TCHH: variants seen among roughly 807,000 people sequenced by gnomAD.
The protein encoded by TCHH is trichohyalin.
TCHH carries 6 observed loss-of-function variants against 6.3 expected under a neutral mutation model. That is an observed-to-expected ratio of 0.95 (90% CI 0.52 to 1.88). The LOEUF (loss-of-function observed/expected upper bound fraction) is 1.88. Ranked by LOEUF, TCHH falls within the 40% of genes most tolerant of loss-of-function variation. The pLI is 0.01. For missense variants in TCHH, 2,920 were observed against 2,449.1 expected, an observed-to-expected ratio of 1.19 and a Z score of -4.06; for synonymous variants, 1,087 against 963.6, an observed-to-expected ratio of 1.13 and a Z score of -2.37.
chr1:152,110,959 CG>C lies in TCHH; in HGVS notation c.2257del (p.Arg753GlyfsTer46). 1 of 1,613,302 alleles carries C rather than the reference CG, an allele frequency of 6.2e-7. No homozygotes were observed. Among genetic ancestry groups the C allele is most frequent in the Non-Finnish European group, 8.5e-7 (1 of 1,179,964 alleles). On this transcript the variant is annotated frameshift_variant, in exon 3 of 3. Coordinates refer to ENST00000614923, the MANE Select transcript of TCHH (RefSeq NM_007113.4). LOFTEE classifies it low-confidence loss of function (END_TRUNC). ...CTCTTCCTGCTGCTGCCGGTGAGCC[CG>C]TTCCTCCTCCTGCCATTGCAGCTCA... Reference protein sequence around the residue: ...ESELQWQEEERAHRQQQEEEQ... With the variant: ...ESELQWQEEEXAHRQQQEEEQ...
rs768126020 is a variant in TCHH at position 152,108,867 on chromosome 1, C to G, written c.4350G>C (p.Glu1450Asp). 5 of 1,611,738 alleles carry G rather than the reference C, an allele frequency of 3.1e-6. No individual in the cohort carries two copies. The highest frequency in any genetic ancestry group is 4.2e-6 in the Non-Finnish European group (5 of 1,179,516). The change falls in exon 3 of 3, where the codon GAG becomes GAC. Residue 1450 changes from glutamate to aspartate, a missense_variant. Coordinates refer to ENST00000614923, the MANE Select transcript of TCHH (RefSeq NM_007113.4). ...RRQERERKFL[E>D]EEQQLRQERH... ...GCTCCTGGCGCAGCTGCTGTTCCTCCTCCAGGAATTTTCTCTCTCGTTCCT... is the reference window on the plus strand; with the variant it reads ...GCTCCTGGCGCAGCTGCTGTTCCTCGTCCAGGAATTTTCTCTCTCGTTCCT...
rs754279065 is a variant in TCHH at position 152,108,708 on chromosome 1, G to C, written c.4509C>G (p.Phe1503Leu). The C allele has an allele frequency of 2.5e-6, 4 of 1,610,292 alleles. No homozygotes were observed. The highest frequency in any genetic ancestry group is 3.4e-6 in the Non-Finnish European group (4 of 1,179,208). Residue 1503 changes from phenylalanine (F) to leucine (L), a missense_variant, in exon 3 of 3, where the codon TTC (phenylalanine) becomes TTG (leucine). Coordinates refer to ENST00000614923, the MANE Select transcript of TCHH (RefSeq NM_007113.4). ...QLRRQERDRK[F>L]REQELRSQEP... ...CCTGACTGCGCAGTTCCTGTTCGCG[G>C]AATTTTCTGTCACGCTCTTGGCGGC... is the stretch of plus-strand genomic sequence containing the variant.
Position 152,111,055 on chromosome 1 carries a change from G to A in TCHH, c.2162C>T (p.Ser721Leu), listed in dbSNP as rs759403956. ...EADARQSKVY[S>L]RPRKQEGQRR... ...CTGCCCTTCCTGCTTGCGGGGCCTCGAGTAGACTTTGCTTTGCCGTGCGTC... is the reference window on the plus strand; with the variant it reads ...CTGCCCTTCCTGCTTGCGGGGCCTCAAGTAGACTTTGCTTTGCCGTGCGTC... The change falls in exon 3 of 3, where the codon TCG (serine) becomes TTG (leucine). Residue 721 changes from serine to leucine, a missense_variant. Coordinates refer to ENST00000614923, the MANE Select transcript of TCHH (RefSeq NM_007113.4). 1.9e-6 allele frequency: 3 copies of A among 1,613,406 alleles called. No homozygotes were observed. Among genetic ancestry groups the A allele is most frequent in the South Asian group, 1.1e-5 (1 of 91,080 alleles).
Position 152,107,469 on chromosome 1 carries a change from G to C in TCHH, c.5748C>G (p.Gly1916=). The part of the protein sequence containing the change: ...GKGHGRLLEP[G]THQFASVPVR... ...CTGGGACACTGGCAAACTGATGAGT[G>C]CCGGGCTCCAGAAGCCGCCCATGGC... The change falls in exon 3 of 3, where the codon GGC becomes GGG. Residue 1916 remains glycine, a synonymous_variant. Transcript: ENST00000614923. 4 of 1,614,144 alleles carry C rather than the reference G, an allele frequency of 2.5e-6. No individual in the cohort carries two copies. The South Asian group carries it at 4.4e-5, about 18-fold the overall frequency.
Position 152,112,802 on chromosome 1 carries a change from G to C in TCHH, c.415C>G (p.Gln139Glu). The C allele has an allele frequency of 6.2e-7, 1 of 1,613,866 alleles. No homozygotes were observed. Among genetic ancestry groups the C allele is most frequent in the Non-Finnish European group, 8.5e-7 (1 of 1,179,998 alleles). The change falls in exon 3 of 3, where the codon CAG becomes GAG. Residue 139 changes from glutamine (Q) to glutamate (E), a missense_variant. Gln to Glu is a conservative substitution (Grantham distance 29). Coordinates refer to ENST00000614923, the MANE Select transcript of TCHH (RefSeq NM_007113.4). ...TCCCTCTCCTGTTCCTGCCTCTTCT[G>C]CCTGCGTCGTTGCCCAGGTTCTTCT... ...LEEEPGQRRR[Q>E]KRQEQERELA... is the part of the protein sequence containing the mutation.
In TCHH at chr1:152,112,507, A is replaced by G; in HGVS notation, c.710T>C (p.Val237Ala). 1 of 1,611,572 alleles carries G rather than the reference A, an allele frequency of 6.2e-7. No individual in the cohort carries two copies. ...CTCTTTCTCTTCTTCCTCCTGGAAC[A>G]CTCTGTCTTGCCGCTCTCGCCTTTG... ...QQQRRERQDR[V>A]FQEEEEKEWR... Residue 237 changes from valine to alanine, a missense_variant, in exon 3 of 3, where the codon GTG (valine) becomes GCG (alanine). Val to Ala is a moderately conservative substitution (Grantham distance 64, BLOSUM62 0). Coordinates refer to ENST00000614923, the MANE Select transcript of TCHH (RefSeq NM_007113.4).
In TCHH at chr1:152,114,094, CTTCAAG is replaced by C. The variant is rs777856423; in HGVS notation, c.-20_-15del. The C allele has an allele frequency of 1.9e-6, 3 of 1,594,136 alleles. No homozygotes were observed. The highest frequency in any genetic ancestry group is 1.4e-5 in the African/African-American group (1 of 73,540). ...AAGTGGAGACATTTTTTTTTCTTTCCTTCAAGTTCAAGTAAACCTAGAACAATAAAA... is the reference window on the plus strand; with the variant it reads ...AAGTGGAGACATTTTTTTTTCTTTCCTTCAAGTAAACCTAGAACAATAAAA... On this transcript the variant is annotated 5_prime_UTR_variant, in exon 2 of 3. Transcript: ENST00000614923.
In TCHH at chr1:152,112,928, C is replaced by T. The variant is rs1318954873; in HGVS notation, c.289G>A (p.Glu97Lys). ...YALGQATGLD[E>K]EKRARCDGKE... ...CCGTCACACCGGGCTCGCTTCTCCT[C>T]ATCCAGTCCCGTGGCCTGGCCGAGA... Residue 97 changes from glutamate (E) to lysine (K), a missense_variant, in exon 3 of 3, where the codon GAG becomes AAG. Coordinates refer to ENST00000614923, the MANE Select transcript of TCHH (RefSeq NM_007113.4). 2 of 1,613,986 alleles carry T rather than the reference C, an allele frequency of 1.2e-6. No individual in the cohort carries two copies. Among genetic ancestry groups the T allele is most frequent in the Non-Finnish European group, 1.7e-6 (2 of 1,180,012 alleles).
Position 152,110,744 on chromosome 1 carries a change from G to T in TCHH, c.2473C>A (p.Arg825Ser). 6.2e-7 allele frequency: 1 copy of T among 1,609,036 alleles called. No individual in the cohort carries two copies. Among genetic ancestry groups the T allele is most frequent in the African/African-American group, 1.3e-5 (1 of 74,988 alleles). ...AACTGCAGCTCTTTCTCCCTCTCGCGTCGCTGGCGGCGCCGCTGCTCCTTC... is the reference window on the plus strand; with the variant it reads ...AACTGCAGCTCTTTCTCCCTCTCGCTTCGCTGGCGGCGCCGCTGCTCCTTC... ...EEKEQRRRQR[R>S]EREKELQFLE... is the part of the protein sequence containing the mutation. Residue 825 changes from arginine (R) to serine (S), a missense_variant, in exon 3 of 3, where the codon CGC becomes AGC. By Grantham distance (110) the Arg-to-Ser change is moderately radical (BLOSUM62 -1). Transcript: ENST00000614923.
intron 1 of TCHH, 55 bp downstream of exon 1, chr1:152,115,336 G>A (rs1200592344): frequency 6.6e-6 from 1 of 152,202 alleles, no homozygotes; most frequent in Non-Finnish European, 1.5e-5. Context: ...ATCTGAAATA[G>A]CTATAAAAAT....
In TCHH at chr1:152,108,825, G is replaced by A. The variant is rs71625154; in HGVS notation, c.4392C>T (p.Arg1464=). Residue 1464 remains arginine, a synonymous_variant, in exon 3 of 3, where the codon CGC becomes CGT. Transcript: ENST00000614923. ...QLRQERHRKF[R]EEEQLLQERE... ...TTTCCTGGAGCAGCTGTTCCTCTTC[G>A]CGGAATTTTCTGTGACGCTCCTGGC... 27 of 1,608,448 alleles carry A rather than the reference G, an allele frequency of 1.7e-5. No homozygotes were observed. The highest frequency in any genetic ancestry group is 2.2e-5 in the South Asian group (2 of 90,790).
chr1:152,109,009 T>A lies in TCHH; in HGVS notation c.4208A>T (p.Glu1403Val), dbSNP rs755703639. ...GTCCTGACGCAGCTGTTGCTCGCGC[T>A]CCTGGCAGCGCAGCTGCTGTTCCTC... ...LKEEQQLRCQ[E>V]REQQLRQDRD... The change falls in exon 3 of 3, where the codon GAG becomes GTG. Residue 1403 changes from glutamate to valine, a missense_variant. Transcript: ENST00000614923. The A allele has an allele frequency of 5.6e-6, 9 of 1,611,924 alleles. No individual in the cohort carries two copies. The Admixed American group carries it at 1.5e-4, about 27-fold the overall frequency.
At position 152,111,033 on chromosome 1, in the gene TCHH, C is replaced by A; in HGVS notation, c.2184G>T (p.Gly728=). ...KVYSRPRKQE[G]QRRRQEQEEK... ...CCTCCTGCTCTTGGCGGCGCCTCTG[C>A]CCTTCCTGCTTGCGGGGCCTCGAGT... is the stretch of plus-strand genomic sequence containing the variant. The change falls in exon 3 of 3, where the codon GGG becomes GGT. Residue 728 remains glycine (G), a synonymous_variant. Transcript: ENST00000614923. 6.2e-7 allele frequency: 1 copy of A among 1,613,584 alleles called. No homozygotes were observed. The highest frequency in any genetic ancestry group is 1.1e-5 in the South Asian group (1 of 91,074).
chr1:152,112,258 T>C lies in TCHH; in HGVS notation c.959A>G (p.Glu320Gly), dbSNP rs1386774511. The C allele has an allele frequency of 1.3e-6, 2 of 1,531,660 alleles. No individual in the cohort carries two copies. The highest frequency in any genetic ancestry group is 1.7e-5 in the African/African-American group (1 of 60,276). The allele number at this position is 1,531,660 out of a possible 1,614,324, so 94.9% of individuals were successfully genotyped here. A position where few individuals can be genotyped will look rare whatever the true frequency, so the allele number is the denominator to read the frequency against. Residue 320 changes from glutamate to glycine, a missense_variant, in exon 3 of 3, where the codon GAG becomes GGG. By Grantham distance (98) the Glu-to-Gly change is moderately conservative. Coordinates refer to ENST00000614923, the MANE Select transcript of TCHH (RefSeq NM_007113.4). ...GCGCCTCTCCTGCTGCTCGCGCCTC[T>C]CCTCCTGCTGCTCGCGCCTCTCCTC... is the stretch of plus-strand genomic sequence containing the variant. ...QEEERREQQE[E>G]RREQQERREQ... is the part of the protein sequence containing the mutation.
chr1:152,107,827 A>C lies in TCHH; in HGVS notation c.5390T>G (p.Phe1797Cys). 1 of 1,612,190 alleles carries C rather than the reference A, an allele frequency of 6.2e-7. No individual in the cohort carries two copies. Among genetic ancestry groups the C allele is most frequent in the Non-Finnish European group, 8.5e-7 (1 of 1,179,576 alleles). ...QLRSQESDRK[F>C]REEEQLRQER... ...CTGGCGTAGCTGTTCCTCCTCGCGG[A>C]ATTTTCTGTCAGACTCTTGGCTGCG... Residue 1797 changes from phenylalanine to cysteine, a missense_variant, in exon 3 of 3, where the codon TTC (phenylalanine) becomes TGC (cysteine). Phe to Cys is a radical substitution (Grantham distance 205, BLOSUM62 -2). Transcript: ENST00000614923.
At position 152,109,215 on chromosome 1, in the gene TCHH, TGTCTCTTGACGGC is replaced by T. The variant is rs764946343; in HGVS notation, c.3989_4001del (p.Arg1330GlnfsTer90). The T allele has an allele frequency of 2.5e-6, 4 of 1,614,268 alleles. No individual in the cohort carries two copies. In the Admixed American group the frequency reaches 6.7e-5, roughly 27 times the overall value. On this transcript the variant is annotated frameshift_variant, in exon 3 of 3. Transcript: ENST00000614923. LOFTEE classifies it low-confidence loss of function (END_TRUNC). Reference sequence around the variant, plus strand: ...GTTCCTCCTCGCGGAATTTTCTGTCTGTCTCTTGACGGCGTCTCTTCTCTTCTCTTTCCTCTCT... The same window carrying T: ...GTTCCTCCTCGCGGAATTTTCTGTCTGTCTCTTCTCTTCTCTTTCCTCTCT...
Position 152,107,680 on chromosome 1 carries a change from C to A in TCHH, c.5537G>T (p.Arg1846Leu). 6.2e-7 allele frequency: 1 copy of A among 1,612,984 alleles called. No individual in the cohort carries two copies. The highest frequency in any genetic ancestry group is 8.5e-7 in the Non-Finnish European group (1 of 1,180,046). The change falls in exon 3 of 3, where the codon CGG (arginine) becomes CTG (leucine). Residue 1846 changes from arginine to leucine, a missense_variant. Physicochemically the swap from Arg to Leu is moderately radical, Grantham distance 102. Coordinates refer to ENST00000614923, the MANE Select transcript of TCHH (RefSeq NM_007113.4). Reference protein sequence around the residue: ...RLRQERDRQYRAEEQFATQEK... With the variant: ...RLRQERDRQYLAEEQFATQEK... ...CTGCGTGGCAAACTGCTCCTCCGCC[C>A]GGTACTGCCGGTCTCGCTCCTGCCG...
rs774896544 is a variant in TCHH, at chr1:152,107,564, T to A, written c.5653A>T (p.Ile1885Phe). ...ERERKLREEHIRRQQKEEQRH... is the reference protein window; with the variant it reads ...ERERKLREEHFRRQQKEEQRH... ...TGTTCCTCCTTCTGCTGGCGGCGGA[T>A]GTGTTCTTCCCGTAATTTCCTTTCC... Residue 1885 changes from isoleucine to phenylalanine, a missense_variant, in exon 3 of 3, where the codon ATC becomes TTC. Ile to Phe is a conservative substitution (Grantham distance 21). Coordinates refer to ENST00000614923, the MANE Select transcript of TCHH (RefSeq NM_007113.4). The A allele has an allele frequency of 8.1e-6, 13 of 1,613,876 alleles. No individual in the cohort carries two copies. The highest frequency in any genetic ancestry group is 1.0e-5 in the Non-Finnish European group (12 of 1,179,998).
Position 152,111,366 on chromosome 1 carries a change from C to G in TCHH, c.1851G>C (p.Glu617Asp), listed in dbSNP as rs777480364. 2.5e-6 allele frequency: 4 copies of G among 1,611,214 alleles called. No individual in the cohort carries two copies. The African/African-American group carries it at 5.4e-5, about 22-fold the overall frequency. The change falls in exon 3 of 3, where the codon GAG becomes GAC. Residue 617 changes from glutamate to aspartate, a missense_variant. Coordinates refer to ENST00000614923, the MANE Select transcript of TCHH (RefSeq NM_007113.4). ...CCGGCTCCTCGCGCTTCAGCCGCTG[C>G]TCGCGCCTCTCCTCCTGCTCGAGTC... ...VERLEQEERR[E>D]QRLKREEPEE...
Sources: allele counts gnomAD v4.1 joint callset, GRCh38; gene constraint gnomAD v4.1.1; transcripts MANE v1.5; gene names NCBI Gene and HGNC (gene_info 2026-07-23, HGNC 2026-07-21).